TCF3: variants seen among roughly 807,000 people sequenced by gnomAD.
TCF3 encodes transcription factor E2-alpha.
In TCF3, 54 loss-of-function variants were observed where a neutral mutation model predicts 72.3. That is an observed-to-expected ratio of 0.75 (90% confidence interval 0.60 to 0.94). TCF3 has a LOEUF of 0.94. Ranked by LOEUF, TCF3 falls within the 40% of genes least tolerant of loss-of-function variation. The probability of loss-of-function intolerance (pLI) is 0.00; values close to 1 mark genes in which losing one functional copy is unlikely to be tolerated. For missense variants in TCF3, 1,078 were observed against 934.4 expected (o/e 1.15, Z -2.00); for synonymous variants, 525 against 412.6 (o/e 1.27, Z -3.30).
intron 3 of TCF3, 145 bp downstream of exon 3, chr19:1,646,210 G>A (rs921486093): frequency 2.3e-6 from 2 of 881,870 alleles, no homozygotes; most frequent in Non-Finnish European, 3.4e-6. Context: ...GGGTCTTCAG[G>A]CTCGCTGCCC....
chr19:1,625,250 G>A (rs998324888), intron 7 of TCF3, among the ~76,000 whole-genome samples: 14 of 152,232 alleles, frequency 9.2e-5, no homozygotes, highest in Non-Finnish European at 1.3e-4. Context: ...GTGTGCAGCA[G>A]GGCTCAGTGC....
rs974164661 is a variant in TCF3 at position 1,611,588 on chromosome 19, G to A, written c.*119C>T. The stretch of plus-strand genomic sequence containing the variant: ...AACCTTGTCAGGTTGGTGTTGGCTC[G>A]ATGCTGACAACAGGTGTGTGAGGTG... On this transcript the variant is annotated 3_prime_UTR_variant, in exon 19 of 19. Transcript: ENST00000262965. 8.0e-6 allele frequency: 11 copies of A among 1,383,286 alleles called. No individual in the cohort carries two copies. In the South Asian group the frequency reaches 1.0e-4, roughly 13 times the overall value. 85.7% of individuals were successfully genotyped at this position (1,383,286 alleles called of 1,614,324 possible). A position where few individuals can be genotyped will look rare whatever the true frequency, so the allele number is the denominator to read the frequency against.
In TCF3 at chr19:1,652,438, G is replaced by A. The variant is rs1297278663; in HGVS notation, c.-178C>T. 3 of 141,548 alleles carry A rather than the reference G, an allele frequency of 2.1e-5. No homozygotes were observed. Among genetic ancestry groups the A allele is most frequent in the Non-Finnish European group, 1.6e-5 (1 of 64,078 alleles). 8.8% of individuals were successfully genotyped at this position (141,548 alleles called of 1,614,324 possible). A position where few individuals can be genotyped will look rare whatever the true frequency, so the allele number is the denominator to read the frequency against. ...GCGGCGGCGGCGGCGCGCGTGGCCC[G>A]GGCCCCTCCCACCCCCGCGTGGCCC... On this transcript the variant is annotated 5_prime_UTR_variant, in exon 1 of 19. Transcript: ENST00000262965.
rs141432924 is a variant in TCF3, at chr19:1,615,692, C to A, written c.1580G>T (p.Arg527Leu). ...EKKELKAPRA[R>L]TSPDEDEDDL... ...CCGAGGGGTGGGTTGGCACCTGGTCCGGGCCCGGGGGGCCTTCAGCTCCTT... is the reference window on the plus strand; with the variant it reads ...CCGAGGGGTGGGTTGGCACCTGGTCAGGGCCCGGGGGGCCTTCAGCTCCTT... Residue 527 changes from arginine to leucine, a missense_variant, in exon 17 of 19, where the codon CGG (arginine) becomes CTG (leucine). By Grantham distance (102) the Arg-to-Leu change is moderately radical. Coordinates refer to ENST00000262965, the MANE Select transcript of TCF3 (RefSeq NM_003200.5). This position sits in a 1 kb window ranked among gnomAD's most constrained non-coding sequence, Gnocchi z 7.3. 1.9e-6 allele frequency: 3 copies of A among 1,613,138 alleles called. No homozygotes were observed. Among genetic ancestry groups the A allele is most frequent in the South Asian group, 2.2e-5 (2 of 91,028 alleles).
chr19:1,648,969 C>T (rs1337372833), intron 2 of TCF3, among the ~76,000 whole-genome samples: 2 of 152,198 alleles, frequency 1.3e-5, no homozygotes, highest in Admixed American at 6.5e-5. Flanking sequence ...CACCCGTCAG[C>T]GGCCGGTACC....
chr19:1,652,415 G>GGCGGCGGCGGCGCGCGTGGCCC lies in TCF3; in HGVS notation c.-177_-156dup. ...GGGCCCCCGAGGGTCGCGCGTGGGC[G>GGCGGCGGCGGCGCGCGTGGCCC]GCGGCGGCGGCGCGCGTGGCCCGGG... On this transcript the variant is annotated 5_prime_UTR_variant, in exon 1 of 19. Transcript: ENST00000262965. The GGCGGCGGCGGCGCGCGTGGCCC allele has an allele frequency of 7.1e-6, 1 of 141,602 alleles. No individual in the cohort carries two copies. The highest frequency in any genetic ancestry group is 6.9e-5 in the Admixed American group (1 of 14,468). The allele number at this position is 141,602 out of a possible 1,614,324, so 8.8% of individuals were successfully genotyped here. A position where few individuals can be genotyped will look rare whatever the true frequency, so the allele number is the denominator to read the frequency against.
intron 13 of TCF3, among the ~76,000 whole-genome samples, 174 bp from the exon 14 acceptor site, chr19:1,620,027 G>C (rs2061999170): frequency 6.6e-6 from 1 of 152,292 alleles, no homozygotes; most frequent in Non-Finnish European, 1.5e-5. Context: ...CGCCAGGCAG[G>C]GATGCTGGGT....
chr19:1,621,234 T>C, intron 11 of TCF3, 43 bp from the exon 12 acceptor site: 1 of 1,522,748 alleles, frequency 6.6e-7, no homozygotes, highest in Non-Finnish European at 8.8e-7. Flanking sequence ...CCGGCCTGGG[T>C]GCTGCCGCCG....
In TCF3 at chr19:1,641,417, G is replaced by A. The variant is rs143693932; in HGVS notation, c.145+4938C>T. Reference sequence around the variant, plus strand: ...GGATCACTTGAGCTCATGAATACAAGATCAGCCTGGAGAACACAGCAAGAC... The same window carrying A: ...GGATCACTTGAGCTCATGAATACAAAATCAGCCTGGAGAACACAGCAAGAC... On this transcript the variant is annotated intron_variant, in intron 3 of 18. Transcript: ENST00000262965. Among the ~76,000 whole-genome samples, 570 of 152,198 alleles carry A rather than the reference G, an allele frequency of 3.7e-3. 5 individuals carry two copies. The highest frequency in any genetic ancestry group is 0.013 in the African/African-American group (523 of 41,524).
At chr19:1,618,982 G>A (rs2145981106) in intron 16 of TCF3, 129 bp downstream of exon 16, 3 of 1,474,356 alleles carry the variant, frequency 2.0e-6, no homozygotes, top group South Asian at 2.6e-5. Flanking sequence ...GCTGACTGGG[G>A]CGCCCATGTC....
At chr19:1,627,541 C>A in intron 5 of TCF3, 115 bp from the exon 6 acceptor site, 1 of 925,690 alleles carries the variant, frequency 1.1e-6, no homozygotes, top group Non-Finnish European at 1.7e-6. Flanking sequence ...CGACTGAGAG[C>A]GCCACGGCAG....
In TCF3 at chr19:1,611,416, G is replaced by T. The variant is rs2060974231; in HGVS notation, c.*291C>A. ...CTGTCAGCCCAGGCAACAGGGCCAA[G>T]ATGCAGTTTCAGGATCCATGGGACA... On this transcript the variant is annotated 3_prime_UTR_variant, in exon 19 of 19. Transcript: ENST00000262965. 2.5e-6 allele frequency: 1 copy of T among 407,366 alleles called. No individual in the cohort carries two copies. Among genetic ancestry groups the T allele is most frequent in the Non-Finnish European group, 4.3e-6 (1 of 231,696 alleles). The allele number at this position is 407,366 out of a possible 1,614,324, so 25.2% of individuals were successfully genotyped here.
chr19:1,651,886 C>G (rs2145847830), intron 1 of TCF3, among the ~76,000 whole-genome samples: 1 of 151,046 alleles, frequency 6.6e-6, no homozygotes, highest in South Asian at 2.1e-4. Context: ...CTCCCGCGCG[C>G]TCCCCACCCC....
rs142189602 is a variant in TCF3, at chr19:1,618,553, C to T, written c.1450+558G>A. ...CTCTCCTCACTCTGCTCCAACCCCACGGGTCTCCTGGCTGTTCCTCCCAGG... is the reference window on the plus strand; with the variant it reads ...CTCTCCTCACTCTGCTCCAACCCCATGGGTCTCCTGGCTGTTCCTCCCAGG... On this transcript the variant is annotated intron_variant, in intron 16 of 18. Transcript: ENST00000262965. 8.7e-3 allele frequency among the ~76,000 whole-genome samples: 1,314 copies of T among 151,512 alleles called. 26 individuals carry two copies. Among genetic ancestry groups the T allele is most frequent in the African/African-American group, 0.03 (1,243 of 41,240 alleles).
At chr19:1,649,973 C>G (rs145374939) in intron 2 of TCF3, among the ~76,000 whole-genome samples, 2 of 152,224 alleles carry the variant, frequency 1.3e-5, no homozygotes, top group Non-Finnish European at 2.9e-5. Flanking sequence ...TGCGTCCGGG[C>G]AAAAGCCCCA....
At chr19:1,643,679 T>A (rs1418917023) in intron 3 of TCF3, among the ~76,000 whole-genome samples, 1 of 152,212 alleles carries the variant, frequency 6.6e-6, no homozygotes, top group Admixed American at 6.5e-5. Context: ...CCTTGCCCAG[T>A]ACCTAACTCC....
chr19:1,650,961 G>GA (rs1164203106), intron 1 of TCF3: 4 of 223,424 alleles, frequency 1.8e-5, no homozygotes, highest in Non-Finnish European at 3.6e-5. Flanking sequence ...CAGTATTCAG[G>GA]AAAGAAAAAA....
intron 16 of TCF3, among the ~76,000 whole-genome samples, chr19:1,617,884 T>C (rs1032632803): frequency 7.2e-5 from 11 of 152,132 alleles, no homozygotes; most frequent in Non-Finnish European, 2.9e-5. Context: ...CTGACAACTG[T>C]AGATGTCCCC....
intron 5 of TCF3, among the ~76,000 whole-genome samples, chr19:1,630,803 G>A (rs767120539): frequency 1.1e-4 from 16 of 152,074 alleles, no homozygotes; most frequent in Non-Finnish European, 1.8e-4. Context: ...CCCAAGCAGC[G>A]GGACCCCCCC....
Sources: gnomAD v4.1 joint callset for allele counts (sites outside exome capture counted in the v4.1 genomes callset) on GRCh38, gnomAD v4.1.1 for gene constraint, Gnocchi (gnomAD v3.1) non-coding constraint, MANE v1.5 for transcripts, NCBI Gene and HGNC (gene_info 2026-07-23, HGNC 2026-07-21) for gene names.